Variants in JHY observed in about 807,000 individuals in gnomAD.
JHY encodes jhy protein homolog.
A neutral mutation model predicts 78.0 loss-of-function variants in JHY; 69 were observed. The observed-to-expected ratio is 0.88, with a 90% confidence interval of 0.73 to 1.08. The LOEUF (loss-of-function observed/expected upper bound fraction) is 1.08. Ranked by LOEUF, JHY falls within the 50% of genes least tolerant of loss-of-function variation. The probability of loss-of-function intolerance (pLI) is 0.00; values close to 1 mark genes in which losing one functional copy is unlikely to be tolerated. For synonymous variants in JHY, 368 were observed against 342.6 expected, an observed-to-expected ratio of 1.07 and a Z score of -0.82; for missense variants, 944 against 927.8, an observed-to-expected ratio of 1.02 and a Z score of -0.23.
intron 4 of JHY, among the ~76,000 whole-genome samples, chr11:122,925,354 T>A (rs548678881): frequency 6.6e-6 from 1 of 152,228 alleles, no homozygotes; most frequent in Non-Finnish European, 1.5e-5. Flanking sequence ...CCAAATCTGA[T>A]TCCTTTTGGA....
intron 2 of JHY, among the ~76,000 whole-genome samples, chr11:122,891,568 A>AT (rs755834563): frequency 1.3e-4 from 2 of 15,596 alleles, no homozygotes; most frequent in Admixed American, 1.5e-3. Context: ...AACCTTGTAT[A>AT]TTAAAAAAAA....
chr11:122,908,231 A>G (rs1053631925), intron 3 of JHY, among the ~76,000 whole-genome samples: 11 of 152,150 alleles, frequency 7.2e-5, no homozygotes, highest in Admixed American at 5.2e-4. Flanking sequence ...GGGCTTATTT[A>G]AAAAGCTTGA....
chr11:122,952,801 T>C (rs867625832), intron 6 of JHY, among the ~76,000 whole-genome samples: 1 of 152,242 alleles, frequency 6.6e-6, no homozygotes, highest in African/African-American at 2.4e-5. Flanking sequence ...GATTTATGAC[T>C]TGGACATGAG....
At chr11:122,900,488 C>T (rs1031655351) in intron 2 of JHY, among the ~76,000 whole-genome samples, 4 of 134,018 alleles carry the variant, frequency 3.0e-5, no homozygotes, top group African/African-American at 1.1e-4. Context: ...TCAAAGAGGC[C>T]ATTAAATATG....
At chr11:122,921,201 A>T (rs1863357373) in intron 3 of JHY, among the ~76,000 whole-genome samples, 1 of 152,188 alleles carries the variant, frequency 6.6e-6, no homozygotes, top group African/African-American at 2.4e-5. Context: ...ATTTTCTGGA[A>T]TAGGAAGCGT....
chr11:122,922,593 G>A (rs1217721648), intron 3 of JHY, among the ~76,000 whole-genome samples: 2 of 151,722 alleles, frequency 1.3e-5, no homozygotes, highest in Admixed American at 6.6e-5. Flanking sequence ...GGCGGATCAC[G>A]AGGTCAGGAG....
chr11:122,882,964 G>T lies in JHY; in HGVS notation c.-98G>T, dbSNP rs760984062. ...GTCCGGGTCGCGGCCGCGGAGGAGC[G>T]CCGGGCAGGTGACGGGCGGTGGCCT... On this transcript the variant is annotated 5_prime_UTR_variant, in exon 1 of 9. Coordinates refer to ENST00000227349, the MANE Select transcript of JHY (RefSeq NM_024806.4). The T allele has an allele frequency of 6.6e-6, 1 of 152,272 alleles. No individual in the cohort carries two copies. Among genetic ancestry groups the T allele is most frequent in the African/African-American group, 2.4e-5 (1 of 41,346 alleles). The allele number at this position is 152,272 out of a possible 1,614,324, so 9.4% of individuals were successfully genotyped here. A position where few individuals can be genotyped will look rare whatever the true frequency, so the allele number is the denominator to read the frequency against.
intron 3 of JHY, among the ~76,000 whole-genome samples, chr11:122,912,017 T>C (rs1863138837): frequency 6.7e-6 from 1 of 149,866 alleles, no homozygotes; most frequent in Admixed American, 6.7e-5. Flanking sequence ...TTGGGCATGG[T>C]GGCTCATGCC....
intron 2 of JHY, among the ~76,000 whole-genome samples, chr11:122,900,626 T>C (rs7131180): frequency 0.96 from 144,756 of 151,338 alleles, 69,276 homozygotes; most frequent in Middle Eastern, 0.99. Context: ...TAGGTTAGTT[T>C]GTTTTTCTCA....
Position 122,886,022 on chromosome 11 carries a change from C to T in JHY, c.173C>T (p.Ser58Phe). Residue 58 changes from serine to phenylalanine, a missense_variant, in exon 2 of 9, where the codon TCT becomes TTT. Ser to Phe is a radical substitution (Grantham distance 155). Transcript: ENST00000227349. Reference sequence around the variant, plus strand: ...CTCACGCAAGAGATTATGTGCCATTCTGAGTTTGATGATCGAATCCGGGGC... The same window carrying T: ...CTCACGCAAGAGATTATGTGCCATTTTGAGTTTGATGATCGAATCCGGGGC... ...ESLTQEIMCH[S>F]EFDDRIRGNG... The T allele has an allele frequency of 6.2e-7, 1 of 1,614,114 alleles. No individual in the cohort carries two copies. The highest frequency in any genetic ancestry group is 8.5e-7 in the Non-Finnish European group (1 of 1,180,036).
rs577356750 is a variant in JHY at position 122,935,179 on chromosome 11, G to A, written c.1634+104G>A. On this transcript the variant is annotated intron_variant, in intron 5 of 8. Coordinates refer to ENST00000227349, the MANE Select transcript of JHY (RefSeq NM_024806.4). This position sits in a 1 kb window ranked among gnomAD's most constrained non-coding sequence, Gnocchi z 4.5. Reference sequence around the variant, plus strand: ...GGAAGGGGAATCCATAAGGTGGCTAGGTGAGAAGAAGAGTTCACCTAACAA... The same window carrying A: ...GGAAGGGGAATCCATAAGGTGGCTAAGTGAGAAGAAGAGTTCACCTAACAA... 563 of 1,085,516 alleles carry A rather than the reference G, an allele frequency of 5.2e-4. 3 individuals carry two copies. The South Asian group carries it at 9.9e-3, about 19-fold the overall frequency. 67.2% of individuals were successfully genotyped at this position (1,085,516 alleles called of 1,614,324 possible). A position where few individuals can be genotyped will look rare whatever the true frequency, so the allele number is the denominator to read the frequency against.
rs1340407392 is a variant in JHY, at chr11:122,956,546, C to G, written c.1980C>G (p.Leu660=). ...AAAGAGACGTGAAGCTTGGAGGCCT[C>G]GGACCTGACTTTGAGTCCATCAGAG... ...YQKRDVKLGG[L]GPDFESIRDK... is the part of the protein sequence containing the mutation. Residue 660 remains leucine (L), a synonymous_variant, in exon 7 of 9, where the codon CTC becomes CTG. Coordinates refer to ENST00000227349, the MANE Select transcript of JHY (RefSeq NM_024806.4). 1.9e-6 allele frequency: 3 copies of G among 1,613,500 alleles called. No homozygotes were observed. Among genetic ancestry groups the G allele is most frequent in the African/African-American group, 1.3e-5 (1 of 74,880 alleles).
chr11:122,898,246 A>T lies in JHY; in HGVS notation c.345-5679A>T, dbSNP rs1434488587. ...GTATGTAGGGAGGTGTTCCATGCTTATCTGTTGACCGACTGATCCATTCGC... is the reference window on the plus strand; with the variant it reads ...GTATGTAGGGAGGTGTTCCATGCTTTTCTGTTGACCGACTGATCCATTCGC... On this transcript the variant is annotated intron_variant, in intron 2 of 8. Coordinates refer to ENST00000227349, the MANE Select transcript of JHY (RefSeq NM_024806.4). This position sits in a 1 kb window ranked among gnomAD's most constrained non-coding sequence, Gnocchi z 4.4. 6.6e-6 allele frequency among the ~76,000 whole-genome samples: 1 copy of T among 152,150 alleles called. No homozygotes were observed. Among genetic ancestry groups the T allele is most frequent in the Non-Finnish European group, 1.5e-5 (1 of 68,032 alleles).
chr11:122,932,211 C>G (rs1291932886), intron 4 of JHY, among the ~76,000 whole-genome samples: 1 of 152,150 alleles, frequency 6.6e-6, no homozygotes, highest in Admixed American at 6.5e-5. Flanking sequence ...AACCACAGAT[C>G]TCAAGTAGGC....
chr11:122,924,481 C>A (rs1452674247), intron 3 of JHY, among the ~76,000 whole-genome samples: 1 of 152,208 alleles, frequency 6.6e-6, no homozygotes. Flanking sequence ...TGCTGGCACA[C>A]CGCGAGCATT....
At chr11:122,952,904 G>C (rs528365777) in intron 6 of JHY, among the ~76,000 whole-genome samples, 10 of 152,336 alleles carry the variant, frequency 6.6e-5, no homozygotes, top group Admixed American at 6.5e-4. Context: ...TGGCATACGT[G>C]AGAGAAAGAA....
At chr11:122,912,933 C>T (rs927934557) in intron 3 of JHY, among the ~76,000 whole-genome samples, 1 of 152,046 alleles carries the variant, frequency 6.6e-6, no homozygotes, top group Admixed American at 6.6e-5. Flanking sequence ...GAGAAGCTAT[C>T]GTTACCACTA....
intron 4 of JHY, among the ~76,000 whole-genome samples, chr11:122,932,481 A>G (rs941603708): frequency 3.9e-5 from 6 of 152,142 alleles, no homozygotes; most frequent in Non-Finnish European, 8.8e-5. Context: ...AATTTCTGAG[A>G]AGTAAGTATT....
rs199517869 is a variant in JHY, at chr11:122,930,498, C to T, written c.979-3922C>T. Reference sequence around the variant, plus strand: ...AAAGAACGAGAAACCAGAGAAAGGGCGAGAAAAGAGAGAAGATATGCCTGA... The same window carrying T: ...AAAGAACGAGAAACCAGAGAAAGGGTGAGAAAAGAGAGAAGATATGCCTGA... On this transcript the variant is annotated intron_variant, in intron 4 of 8. Coordinates refer to ENST00000227349, the MANE Select transcript of JHY (RefSeq NM_024806.4). Among the ~76,000 whole-genome samples the T allele has an allele frequency of 2.3e-4, 35 of 152,116 alleles. No individual in the cohort carries two copies. In the East Asian group the frequency reaches 4.4e-3, roughly 19 times the overall value.
Sources: gnomAD v4.1 joint callset for allele counts (sites outside exome capture counted in the v4.1 genomes callset) on GRCh38, gnomAD v4.1.1 for gene constraint, Gnocchi (gnomAD v3.1) non-coding constraint, MANE v1.5 for transcripts, NCBI Gene and HGNC (gene_info 2026-07-23, HGNC 2026-07-21) for gene names.